The following NBPF26 variants were observed in gnomAD, a reference collection of about 807,000 sequenced individuals.
The protein encoded by NBPF26 is NBPF family member NBPF26.
Under a neutral mutation model 119.6 loss-of-function variants are expected in NBPF26, and 79 were observed. The ratio of observed to expected loss-of-function variants is 0.66; its 90% CI spans 0.55 to 0.80. The LOEUF (loss-of-function observed/expected upper bound fraction) is 0.80. NBPF26 is among the 30% of genes least tolerant of loss of function. The pLI is 0.00. For missense variants in NBPF26, 800 were observed against 1,198.2 expected (o/e 0.67, Z 4.91); for synonymous variants, 299 against 457.7 (o/e 0.65, Z 4.43).
rs1481969432 is a variant in NBPF26, at chr1:120,788,018, TG to T, written c.415+2786del. ...GCCTTCAGCAAACACCTCAGCAGGT[TG>T]TGTTTTTTTTTTTTTCCTGATGGAG... On this transcript the variant is annotated intron_variant, in intron 3 of 29. Transcript: ENST00000620612. Among the ~76,000 whole-genome samples the T allele has an allele frequency of 4.0e-4, 14 of 35,060 alleles. 4 individuals are homozygous for T. In the African/African-American group the frequency reaches 4.4e-3, roughly 11 times the overall value. The allele number at this position is 35,060 out of a possible 152,430, so 23.0% of individuals were successfully genotyped here.
At chr1:120,816,817 C>T in exon 14 of NBPF26, 2 of 1,446,538 alleles carry the variant, frequency 1.4e-6, no homozygotes, top group South Asian at 1.2e-5. Context: ...ATGCTGTACA[C>T]ATTATTCCAG....
chr1:120,806,445 T>G (rs1651686322), intron 5 of NBPF26, among the ~76,000 whole-genome samples: 1 of 112,824 alleles, frequency 8.9e-6, no homozygotes. Flanking sequence ...ATACAAAAAG[T>G]AGATGGGCAT....
intron 15 of NBPF26, among the ~76,000 whole-genome samples, chr1:120,818,698 G>T (rs1243437999): frequency 8.1e-6 from 1 of 123,736 alleles, no homozygotes; most frequent in African/African-American, 3.8e-5. Context: ...GTTCTCATTG[G>T]TTTCAAAGAA....
chr1:120,793,661 G>A (rs1651521255), intron 4 of NBPF26, 165 bp downstream of exon 4: 2 of 613,888 alleles, frequency 3.3e-6, no homozygotes, highest in Admixed American at 2.5e-5. Context: ...GCCCACTGTG[G>A]TCCATAAACT....
At chr1:120,756,515 AAT>A (rs2101393414) in intron 1 of NBPF26, among the ~76,000 whole-genome samples, 1 of 117,000 alleles carries the variant, frequency 8.5e-6, no homozygotes, top group East Asian at 2.1e-4. Flanking sequence ...ATATGAAAAA[AAT>A]CATGTGAGAT....
At chr1:120,727,777 C>A (rs1650831449) in intron 1 of NBPF26, among the ~76,000 whole-genome samples, 1 of 117,020 alleles carries the variant, frequency 8.5e-6, no homozygotes, top group Non-Finnish European at 1.6e-5. Flanking sequence ...ATTTTCCTTC[C>A]ACGCTTTCCT....
rs1356252531 is a variant in NBPF26 at position 120,756,744 on chromosome 1, A to G, written c.74-6884A>G. 5.3e-5 allele frequency among the ~76,000 whole-genome samples: 6 copies of G among 114,242 alleles called. 1 individual carries two copies. Among genetic ancestry groups the G allele is most frequent in the African/African-American group, 5.4e-5 (1 of 18,370 alleles). 74.9% of individuals were successfully genotyped at this position (114,242 alleles called of 152,430 possible). A position where few individuals can be genotyped will look rare whatever the true frequency, so the allele number is the denominator to read the frequency against. On this transcript the variant is annotated intron_variant, in intron 1 of 29. Transcript: ENST00000620612. ...GTATGATACTGAAAAGCATTGGAAAACTTAGGTAAATGCCTAGAGGAAATT... is the reference window on the plus strand; with the variant it reads ...GTATGATACTGAAAAGCATTGGAAAGCTTAGGTAAATGCCTAGAGGAAATT...
intron 3 of NBPF26, among the ~76,000 whole-genome samples, chr1:120,788,003 A>C (rs1651441509): frequency 1.2e-5 from 1 of 80,424 alleles, no homozygotes; most frequent in Non-Finnish European, 2.2e-5. Context: ...GCCTTCAGCA[A>C]ACACCTCAGC....
chr1:120,764,992 A>G lies in NBPF26; in HGVS notation c.155+1283A>G, dbSNP rs1244849855. On this transcript the variant is annotated intron_variant, in intron 2 of 29. Transcript: ENST00000620612. Reference sequence around the variant, plus strand: ...ATTTAGTTTTTTAATGTTATAAACAAGATTTTTTTTTTCAAGTCAGAAATA... The same window carrying G: ...ATTTAGTTTTTTAATGTTATAAACAGGATTTTTTTTTTCAAGTCAGAAATA... Among the ~76,000 whole-genome samples, 9 of 84,006 alleles carry G rather than the reference A, an allele frequency of 1.1e-4. 1 individual carries two copies. Among genetic ancestry groups the G allele is most frequent in the Non-Finnish European group, 2.0e-4 (9 of 45,804 alleles). The allele number at this position is 84,006 out of a possible 152,430, so 55.1% of individuals were successfully genotyped here.
At chr1:120,785,201 C>T in exon 3 of NBPF26, 1 of 1,445,482 alleles carries the variant, frequency 6.9e-7, no homozygotes, top group Non-Finnish European at 9.2e-7. Flanking sequence ...AGCCGGGATA[C>T]CTATGAGTGC....
chr1:120,815,364 A>T (rs1651985093), intron 12 of NBPF26, among the ~76,000 whole-genome samples: 1 of 116,130 alleles, frequency 8.6e-6, no homozygotes, highest in South Asian at 2.5e-4. Flanking sequence ...TGGACTAAGA[A>T]TGAAGGTTCC....
chr1:120,748,243 A>G (rs1176311891), intron 1 of NBPF26, among the ~76,000 whole-genome samples: 1,378 of 7,714 alleles, frequency 0.18, 23 homozygotes, highest in Middle Eastern at 0.22. Context: ...CTACTGCTGC[A>G]TGCAAGGGTT....
At position 120,807,995 on chromosome 1, in the gene NBPF26, G is replaced by A. The variant is rs1343750980; in HGVS notation, c.1064+286G>A. On this transcript the variant is annotated intron_variant, in intron 6 of 29. Coordinates refer to ENST00000620612, the Ensembl canonical transcript of NBPF26. Reference sequence around the variant, plus strand: ...CCAAAGGAGTGGGAACCACCCAGCAGCATTCAGTATAATCAAAATGGTGTG... The same window carrying A: ...CCAAAGGAGTGGGAACCACCCAGCAACATTCAGTATAATCAAAATGGTGTG... Among the ~76,000 whole-genome samples, 6 of 122,648 alleles carry A rather than the reference G, an allele frequency of 4.9e-5. 1 individual carries two copies. In the East Asian group the frequency reaches 9.9e-4, roughly 20 times the overall value. The allele number at this position is 122,648 out of a possible 152,430, so 80.5% of individuals were successfully genotyped here. A position where few individuals can be genotyped will look rare whatever the true frequency, so the allele number is the denominator to read the frequency against.
rs1253284478 is a variant in NBPF26, at chr1:120,785,084, C to T, written c.266C>T (p.Thr89Met). ...GCCCAGGCCATGCTGGGGAAAGCCA[C>T]GTGCCGGTGTGCCTCAGGGTTTACA... The change falls in exon 3 of 30, where the codon ACG becomes ATG. Residue 89 changes from threonine (T) to methionine (M), a missense_variant. Physicochemically the swap from Thr to Met is moderately conservative, Grantham distance 81. Transcript: ENST00000620612. 2.4e-3 allele frequency: 3,431 copies of T among 1,446,154 alleles called. 799 individuals carry two copies. The highest frequency in any genetic ancestry group is 0.022 in the South Asian group (1,838 of 83,172). The allele number at this position is 1,446,154 out of a possible 1,614,324, so 89.6% of individuals were successfully genotyped here. A position where few individuals can be genotyped will look rare whatever the true frequency, so the allele number is the denominator to read the frequency against.
chr1:120,840,789 G>C, downstream of NBPF26: 2 of 699,238 alleles, frequency 2.9e-6, no homozygotes, highest in Non-Finnish European at 4.4e-6. Flanking sequence ...CGTTAGGTGT[G>C]ACACGTTCAC....
Position 120,778,610 on chromosome 1 carries a change from T to TA in NBPF26, c.156-6342dup, listed in dbSNP as rs1207692493. Among the ~76,000 whole-genome samples, 64 of 37,916 alleles carry TA rather than the reference T, an allele frequency of 1.7e-3. 2 individuals carry two copies. The highest frequency in any genetic ancestry group is 8.1e-3 in the East Asian group (14 of 1,722). The allele number at this position is 37,916 out of a possible 152,430, so 24.9% of individuals were successfully genotyped here. A position where few individuals can be genotyped will look rare whatever the true frequency, so the allele number is the denominator to read the frequency against. On this transcript the variant is annotated intron_variant, in intron 2 of 29. Coordinates refer to ENST00000620612, the Ensembl canonical transcript of NBPF26. The stretch of plus-strand genomic sequence containing the variant: ...TTTTTGAATGGCCAAATCCTCGTTT[T>TA]AAAAAAAAAAAAAAAAAAAAAAGCT...
At chr1:120,737,784 G>A (rs1482002054) in intron 1 of NBPF26, among the ~76,000 whole-genome samples, 3 of 122,492 alleles carry the variant, frequency 2.4e-5, no homozygotes, top group East Asian at 2.0e-4. Flanking sequence ...CTCAGAAAAG[G>A]GCTTTATATT....
At chr1:120,820,447 AAT>A (rs1229895629) in intron 15 of NBPF26, among the ~76,000 whole-genome samples, 596 of 10,824 alleles carry the variant, frequency 0.055, 47 homozygotes, top group South Asian at 0.099. Context: ...AAGTATTAAA[AAT>A]ATATATATAT....
chr1:120,813,890 G>C lies in NBPF26; in HGVS notation c.1775-1G>C. The C allele has an allele frequency of 6.7e-7, 1 of 1,482,028 alleles. No individual in the cohort carries two copies. Among genetic ancestry groups the C allele is most frequent in the South Asian group, 1.1e-5 (1 of 87,786 alleles). The allele number at this position is 1,482,028 out of a possible 1,614,324, so 91.8% of individuals were successfully genotyped here. A position where few individuals can be genotyped will look rare whatever the true frequency, so the allele number is the denominator to read the frequency against. On this transcript the variant is annotated splice_acceptor_variant, in intron 10 of 29. Transcript: ENST00000620612. LOFTEE classifies it high-confidence loss of function. ...AGGCAGGTGTGTCTGTCTTTTCTCA[G>C]AATATGAAGAGTGCAAAGATCTCAT...
Sources: gnomAD v4.1 joint callset for allele counts (sites outside exome capture counted in the v4.1 genomes callset) on GRCh38, gnomAD v4.1.1 for gene constraint, MANE v1.5 for transcripts, NCBI Gene and HGNC (gene_info 2026-07-23, HGNC 2026-07-21) for gene names.